DMXL1: variants seen among roughly 807,000 people sequenced by gnomAD.
The protein encoded by DMXL1 is dmX-like protein 1.
A neutral mutation model predicts 319.2 loss-of-function variants in DMXL1; 99 were observed. That is an observed-to-expected ratio of 0.31 (90% CI 0.26 to 0.37). The LOEUF (loss-of-function observed/expected upper bound fraction) is 0.37. Ranked by LOEUF, DMXL1 falls within the 10% of genes least tolerant of loss-of-function variation. The probability of loss-of-function intolerance (pLI) is 1.00; values close to 1 mark genes in which losing one functional copy is unlikely to be tolerated. For synonymous variants in DMXL1, 1,385 were observed against 1,235.2 expected (o/e 1.12, Z -2.54); for missense variants, 3,745 against 3,595.6 (o/e 1.04, Z -1.06).
intron 28 of DMXL1, among the ~76,000 whole-genome samples, chr5:119,184,059 C>CTTTTT (rs1404022848): frequency 7.1e-6 from 1 of 140,414 alleles, no homozygotes; most frequent in African/African-American, 2.8e-5. Context: ...GTTTTCTTCT[C>CTTTTT]TTTTTTTTTT....
At chr5:119,114,383 T>C (rs1580778330) in intron 5 of DMXL1, 92 bp from the exon 6 acceptor site, 1 of 889,688 alleles carries the variant, frequency 1.1e-6, no homozygotes, top group Non-Finnish European at 1.8e-6. Flanking sequence ...TTTCTGTCTT[T>C]TGAACCAATT....
Position 119,071,569 on chromosome 5 carries a change from C to T in DMXL1, c.-1C>T. On this transcript the variant is annotated 5_prime_UTR_variant, in exon 1 of 44. Transcript: ENST00000539542. ...GTCCGTTGCAGGACTAGGGCGCCGA[C>T]ATGAACCTGCACCAGGTGCTGACCG... 4 of 1,603,770 alleles carry T rather than the reference C, an allele frequency of 2.5e-6. No homozygotes were observed. Among genetic ancestry groups the T allele is most frequent in the Non-Finnish European group, 3.4e-6 (4 of 1,175,540 alleles).
rs577775689 is a variant in DMXL1 at position 119,073,559 on chromosome 5, T to C, written c.87+1903T>C. 2.0e-4 allele frequency among the ~76,000 whole-genome samples: 31 copies of C among 152,324 alleles called. No individual in the cohort carries two copies. In the South Asian group the frequency reaches 2.5e-3, roughly 12 times the overall value. On this transcript the variant is annotated intron_variant, in intron 1 of 43. Coordinates refer to ENST00000539542, the MANE Select transcript of DMXL1 (RefSeq NM_001290321.3). Reference sequence around the variant, plus strand: ...TTAGATAGATGGTCATCCTGTACCATCATGTAGCTTGTTGCTCAGTTCTGC... The same window carrying C: ...TTAGATAGATGGTCATCCTGTACCACCATGTAGCTTGTTGCTCAGTTCTGC...
intron 21 of DMXL1, among the ~76,000 whole-genome samples, chr5:119,165,812 T>A (rs1291418905): frequency 6.6e-6 from 1 of 152,184 alleles, no homozygotes; most frequent in Non-Finnish European, 1.5e-5. Context: ...GGAAAAGACT[T>A]GCCCCAATGA....
At chr5:119,195,296 C>G (rs575406880) in intron 30 of DMXL1, among the ~76,000 whole-genome samples, 1 of 152,106 alleles carries the variant, frequency 6.6e-6, no homozygotes, top group Non-Finnish European at 1.5e-5. Flanking sequence ...TTTGTACTTC[C>G]CATGTTCTTA....
intron 4 of DMXL1, among the ~76,000 whole-genome samples, chr5:119,108,491 A>G (rs1580742280): frequency 6.6e-6 from 1 of 152,042 alleles, no homozygotes; most frequent in African/African-American, 2.4e-5. Flanking sequence ...TAGCACAATC[A>G]TAGCTCACTG....
chr5:119,246,003 G>A (rs888646966), intron 43 of DMXL1, among the ~76,000 whole-genome samples: 5 of 152,006 alleles, frequency 3.3e-5, no homozygotes, highest in Admixed American at 6.5e-5. Context: ...GTAAAGAAAC[G>A]TTTAGAAAAA....
chr5:119,230,085 CTG>C (rs1324960276), intron 38 of DMXL1, among the ~76,000 whole-genome samples: 4 of 152,124 alleles, frequency 2.6e-5, no homozygotes, highest in Non-Finnish European at 4.4e-5. Flanking sequence ...ATTTGGAAAA[CTG>C]TTTTGAAGTA....
chr5:119,176,489 C>CCTTTATTT (rs1356798214), intron 26 of DMXL1, among the ~76,000 whole-genome samples: 1 of 151,868 alleles, frequency 6.6e-6, no homozygotes, highest in Non-Finnish European at 1.5e-5. Context: ...TCATTAACTT[C>CCTTTATTT]TTTTTATCTT....
intron 35 of DMXL1, 99 bp from the exon 36 acceptor site, chr5:119,220,373 C>G: frequency 9.3e-7 from 1 of 1,075,254 alleles, no homozygotes; most frequent in Non-Finnish European, 1.4e-6. Flanking sequence ...TTAGTTATCA[C>G]TGCTAGAGGT....
chr5:119,096,801 G>T (rs1039615829), intron 1 of DMXL1, among the ~76,000 whole-genome samples: 7 of 152,182 alleles, frequency 4.6e-5, no homozygotes, highest in African/African-American at 1.7e-4. Context: ...TTCTTTTGTT[G>T]TGATGACTGT....
rs1270181673 is a variant in DMXL1, at chr5:119,190,980, C to G, written c.7314+1094C>G. Among the ~76,000 whole-genome samples the G allele has an allele frequency of 2.0e-5, 3 of 152,250 alleles. No homozygotes were observed. In the East Asian group the frequency reaches 5.8e-4, roughly 29 times the overall value. On this transcript the variant is annotated intron_variant, in intron 29 of 43. Transcript: ENST00000539542. ...TAGAAGGCAATTGCTATTCAAACTA[C>G]TCTTGATAAAATGTTTTATTTCTTT...
rs1561707684 is a variant in DMXL1 at position 119,143,945 on chromosome 5, T to A, written c.2466+15T>A. 6.7e-7 allele frequency: 1 copy of A among 1,489,826 alleles called. No individual in the cohort carries two copies. The highest frequency in any genetic ancestry group is 1.3e-5 in the South Asian group (1 of 77,938). 92.3% of individuals were successfully genotyped at this position (1,489,826 alleles called of 1,614,324 possible). ...TTACCAAACTTGTAAGTATTAATTT[T>A]GGGGGGGAGGTATATTAAAAAAAAG... On this transcript the variant is annotated intron_variant, in intron 14 of 43. Coordinates refer to ENST00000539542, the MANE Select transcript of DMXL1 (RefSeq NM_001290321.3).
chr5:119,110,830 G>A (rs1759417002), intron 5 of DMXL1, among the ~76,000 whole-genome samples: 2 of 152,158 alleles, frequency 1.3e-5, no homozygotes, highest in South Asian at 4.1e-4. Flanking sequence ...TAGGATCCAG[G>A]ATTAGACTCT....
chr5:119,213,287 T>G (rs1348973072), intron 34 of DMXL1, among the ~76,000 whole-genome samples: 1 of 152,178 alleles, frequency 6.6e-6, no homozygotes, highest in Admixed American at 6.5e-5. Flanking sequence ...TCATCTAATT[T>G]CTGCTCTGTA....
chr5:119,195,401 G>A (rs1779437796), intron 30 of DMXL1, among the ~76,000 whole-genome samples: 1 of 152,158 alleles, frequency 6.6e-6, no homozygotes, highest in African/African-American at 2.4e-5. Context: ...GTTCAACGGA[G>A]TATTATTCAG....
In DMXL1 at chr5:119,134,031, A is replaced by G; in HGVS notation, c.2107A>G (p.Ser703Gly). 6.2e-7 allele frequency: 1 copy of G among 1,614,196 alleles called. No homozygotes were observed. The highest frequency in any genetic ancestry group is 8.5e-7 in the Non-Finnish European group (1 of 1,180,028). Residue 703 changes from serine (S) to glycine (G), a missense_variant, in exon 12 of 44, where the codon AGT becomes GGT. Ser to Gly is a moderately conservative substitution (Grantham distance 56). Transcript: ENST00000539542. ...VAFQDPSAVY[S>G]ELILWRVDPV... ...ATTTCAGGATCCCAGTGCAGTTTACAGTGAGCTTATTCTGTGGAGGGTTGA... is the reference window on the plus strand; with the variant it reads ...ATTTCAGGATCCCAGTGCAGTTTACGGTGAGCTTATTCTGTGGAGGGTTGA...
intron 10 of DMXL1, chr5:119,132,663 A>G: frequency 2.4e-6 from 1 of 415,982 alleles, no homozygotes; most frequent in South Asian, 1.8e-5. Flanking sequence ...GGCAAGAGTA[A>G]GACTCCGTCT....
Position 119,220,485 on chromosome 5 carries a change from G to A in DMXL1, c.8027G>A (p.Cys2676Tyr). ...CTTATTTTTCAGGCAAATAGAAACT[G>A]CATAGCAATCGCTTCCAGTCATGAT... ...AFAVNKANRN[C>Y]IAIASSHDVQ... Residue 2676 changes from cysteine (C) to tyrosine (Y), a missense_variant, in exon 36 of 44, where the codon TGC becomes TAC. This residue lies in a region of DMXL1 where 1,382 missense variants were observed against 1,269.5 expected (regional missense o/e 1.09). Coordinates refer to ENST00000539542, the MANE Select transcript of DMXL1 (RefSeq NM_001290321.3). 1 of 1,613,656 alleles carries A rather than the reference G, an allele frequency of 6.2e-7. No homozygotes were observed.
Sources: allele counts gnomAD v4.1 joint callset (sites outside exome capture counted in the v4.1 genomes callset), GRCh38; gene constraint gnomAD v4.1.1; regional missense constraint gnomAD v4.1.1; transcripts MANE v1.5; gene names NCBI Gene and HGNC (gene_info 2026-07-23, HGNC 2026-07-21).